Variants in CNPY3 observed in about 807,000 individuals in gnomAD.
CNPY3 encodes the protein protein canopy homolog 3.
In CNPY3, 20 loss-of-function variants were observed where a neutral mutation model predicts 32.0. The observed-to-expected ratio is 0.63, with a 90% CI of 0.44 to 0.91. The LOEUF (loss-of-function observed/expected upper bound fraction) is 0.91, where lower values mean the gene tolerates loss of function less well. Among genes scored for constraint, CNPY3 ranks in the 40% least tolerant of loss-of-function variants. The pLI, the probability that CNPY3 is intolerant of heterozygous loss-of-function variation, is 0.00. For missense variants in CNPY3, 299 were observed against 340.8 expected (o/e 0.88, Z 0.97); for synonymous variants, 138 against 142.9 (o/e 0.97, Z 0.24).
chr6:42,935,389 T>C (rs1470653211), intron 2 of CNPY3, 185 bp from the exon 3 acceptor site: 12 of 984,726 alleles, frequency 1.2e-5, no homozygotes, highest in Non-Finnish European at 1.4e-5. Flanking sequence ...GTTAAAATTT[T>C]GTCTCTCTGG....
intron 5 of CNPY3, 117 bp downstream of exon 5, chr6:42,938,324 T>C: frequency 1.2e-6 from 1 of 864,612 alleles, no homozygotes; most frequent in Non-Finnish European, 2.0e-6. Flanking sequence ...ATCTCTGCCC[T>C]TGAAAGGCTT....
In CNPY3 at chr6:42,938,897, G is replaced by C; in HGVS notation, c.*106G>C. ...GCCCCGCAGCCTTCAGCCCCTCCTT[G>C]CCTTGGCTGTGCCCTCTTCTGCCAA... On this transcript the variant is annotated 3_prime_UTR_variant, in exon 6 of 6. Transcript: ENST00000372836. 6.9e-7 allele frequency: 1 copy of C among 1,444,424 alleles called. No homozygotes were observed. Among genetic ancestry groups the C allele is most frequent in the Non-Finnish European group, 9.1e-7 (1 of 1,094,684 alleles). 89.5% of individuals were successfully genotyped at this position (1,444,424 alleles called of 1,614,324 possible).
intron 2 of CNPY3, among the ~76,000 whole-genome samples, chr6:42,935,080 C>T (rs1307697962): frequency 6.6e-6 from 1 of 152,136 alleles, no homozygotes; most frequent in Non-Finnish European, 1.5e-5. Context: ...GTTGGTTAGG[C>T]TGGTCTCGAA....
intron 3 of CNPY3, 103 bp downstream of exon 3, chr6:42,935,773 T>C: frequency 7.8e-7 from 1 of 1,286,916 alleles, no homozygotes; most frequent in Non-Finnish European, 1.1e-6. Flanking sequence ...ACCTGGGATC[T>C]TCCTTCATTG....
chr6:42,935,289 TTTTACTATCAAAA>T (rs1208105606), intron 2 of CNPY3: 1 of 356,274 alleles, frequency 2.8e-6, no homozygotes, highest in Admixed American at 6.5e-5. Context: ...GAGAATGATA[TTTTACTATCAAAA>T]TTTAATAATT....
chr6:42,935,806 C>A, intron 3 of CNPY3, 136 bp downstream of exon 3: 1 of 1,023,866 alleles, frequency 9.8e-7, no homozygotes, highest in Non-Finnish European at 1.4e-6. Context: ...CTTTGATTGC[C>A]GTTTGTGCTC....
intron 1 of CNPY3, among the ~76,000 whole-genome samples, chr6:42,931,951 G>A (rs1767857181): frequency 6.6e-6 from 1 of 151,976 alleles, no homozygotes; most frequent in Admixed American, 6.6e-5. Context: ...TTGAACTCCT[G>A]ACCTCAGGTG....
chr6:42,933,160 T>TG (rs1262582514), intron 1 of CNPY3, among the ~76,000 whole-genome samples: 6 of 152,098 alleles, frequency 3.9e-5, no homozygotes, highest in African/African-American at 1.4e-4. Context: ...AATGGCTTCC[T>TG]GGGGGAGAGG....
At position 42,929,702 on chromosome 6, in the gene CNPY3, CCT is replaced by C; in HGVS notation, c.133_134del (p.Leu45AlafsTer8). 6.5e-7 allele frequency: 1 copy of C among 1,548,338 alleles called. No homozygotes were observed. The highest frequency in any genetic ancestry group is 8.7e-7 in the Non-Finnish European group (1 of 1,145,374). On this transcript the variant is annotated frameshift_variant, in exon 1 of 6. Transcript: ENST00000372836. LOFTEE classifies it high-confidence loss of function. ...GAGCTGAGGAGAACGACTGGGTTCG[CCT>C]GCCCAGCAAATGCGAAGGTGAGGAG... ...AGAEENDWVR[L>X]PSKCEVCKYV...
At position 42,939,206 on chromosome 6, in the gene CNPY3, C is replaced by T. The variant is rs768870009; in HGVS notation, c.*415C>T. ...TCTCTGCTTACCCCTCCTGTGGACA[C>T]CTTGCACTCTGCCTGGCCCTTCCCA... On this transcript the variant is annotated 3_prime_UTR_variant, in exon 6 of 6. Coordinates refer to ENST00000372836, the MANE Select transcript of CNPY3 (RefSeq NM_006586.5). 5.3e-5 allele frequency: 53 copies of T among 1,002,690 alleles called. 1 individual carries two copies. In the Middle Eastern group the frequency reaches 2.0e-3, roughly 38 times the overall value. 62.1% of individuals were successfully genotyped at this position (1,002,690 alleles called of 1,614,324 possible). A position where few individuals can be genotyped will look rare whatever the true frequency, so the allele number is the denominator to read the frequency against.
chr6:42,934,890 GT>G (rs1198123669), intron 2 of CNPY3, among the ~76,000 whole-genome samples: 1 of 152,060 alleles, frequency 6.6e-6, no homozygotes, highest in African/African-American at 2.4e-5. Flanking sequence ...TTGCGACGGA[GT>G]TTCACTCTTG....
rs771756524 is a variant in CNPY3, at chr6:42,937,827, C to T, written c.483C>T (p.Asp161=). The part of the protein sequence containing the change: ...LWNETSAEVA[D]LKKQCDVLVE... ...ACGAGACTTCTGCAGAGGTGGCTGA[C>T]CTCAAGAAGCAGGTACAGGCCCTTC... Residue 161 remains aspartate, a synonymous_variant, in exon 4 of 6, where the codon GAC becomes GAT. Transcript: ENST00000372836. 4 of 1,614,092 alleles carry T rather than the reference C, an allele frequency of 2.5e-6. No homozygotes were observed. Among genetic ancestry groups the T allele is most frequent in the Non-Finnish European group, 3.4e-6 (4 of 1,180,006 alleles).
At chr6:42,937,997 CT>C (rs1282556184) in intron 4 of CNPY3, 92 bp from the exon 5 acceptor site, 9 of 1,439,668 alleles carry the variant, frequency 6.3e-6, no homozygotes, top group Non-Finnish European at 8.8e-6. Context: ...CTGCCACTGC[CT>C]ACCTTGCAGT....
chr6:42,929,269 G>T, upstream of CNPY3: 1 of 348,540 alleles, frequency 2.9e-6, no homozygotes, highest in South Asian at 5.3e-5. Flanking sequence ...GGTGGGAAAG[G>T]ACTTTGCCAT....
At chr6:42,933,064 C>T (rs1767947236) in intron 1 of CNPY3, among the ~76,000 whole-genome samples, 1 of 152,116 alleles carries the variant, frequency 6.6e-6, no homozygotes, top group Non-Finnish European at 1.5e-5. Flanking sequence ...TGTGGAGAGA[C>T]ACATCAAATG....
intron 1 of CNPY3, among the ~76,000 whole-genome samples, chr6:42,933,536 TCTAAC>T (rs1212890314): frequency 3.3e-5 from 5 of 152,140 alleles, no homozygotes; most frequent in African/African-American, 7.2e-5. Context: ...AATCAAGTAA[TCTAAC>T]AACCATAAAA....
rs1418742803 is a variant in CNPY3, at chr6:42,936,024, T to TGG, written c.372+354_372+355insGG. ...TTTAGGCGAGGTGTCAGAGGACACC[T>TGG]CGGTGGGAGTGACTGCCCAGTCCCA... On this transcript the variant is annotated intron_variant, in intron 3 of 5. Transcript: ENST00000372836. Among the ~76,000 whole-genome samples the TGG allele has an allele frequency of 7.9e-5, 11 of 139,100 alleles. No homozygotes were observed. In the South Asian group the frequency reaches 9.0e-4, roughly 11 times the overall value. 91.3% of individuals were successfully genotyped at this position (139,100 alleles called of 152,430 possible).
intron 1 of CNPY3, among the ~76,000 whole-genome samples, chr6:42,933,169 G>C (rs184001850): frequency 6.6e-6 from 1 of 152,270 alleles, no homozygotes; most frequent in East Asian, 1.9e-4. Flanking sequence ...CTGGGGGAGA[G>C]GCTTATAATG....
upstream of CNPY3, among the ~76,000 whole-genome samples, chr6:42,928,651 G>A (rs1489978949): frequency 6.6e-6 from 1 of 152,158 alleles, no homozygotes; most frequent in African/African-American, 2.4e-5. Flanking sequence ...TTGTTGCTGG[G>A]GAAGCGGAAG....
Sources: allele counts gnomAD v4.1 joint callset (sites outside exome capture counted in the v4.1 genomes callset), GRCh38; gene constraint gnomAD v4.1.1; transcripts MANE v1.5; gene names NCBI Gene and HGNC (gene_info 2026-07-23, HGNC 2026-07-21).